PRKD1: variants seen among roughly 807,000 people sequenced by gnomAD.
PRKD1 encodes serine/threonine-protein kinase D1.
PRKD1 carries 63 observed loss-of-function variants against 95.9 expected under a neutral mutation model. The observed-to-expected ratio is 0.66, with a 90% CI of 0.54 to 0.81. PRKD1 has a LOEUF of 0.81. Ranked by LOEUF, PRKD1 falls within the 30% of genes least tolerant of loss-of-function variation. The probability of loss-of-function intolerance (pLI) is 0.00; values close to 1 mark genes in which losing one functional copy is unlikely to be tolerated. For synonymous variants in PRKD1, 425 were observed against 423.1 expected, an observed-to-expected ratio of 1.00 and a Z score of -0.05; for missense variants, 1,048 against 1,165.3, an observed-to-expected ratio of 0.90 and a Z score of 1.47.
intron 1 of PRKD1, among the ~76,000 whole-genome samples, chr14:29,785,103 A>G (rs1438147420): frequency 6.6e-6 from 1 of 152,172 alleles, no homozygotes; most frequent in Non-Finnish European, 1.5e-5. Context: ...TCCCTCACAA[A>G]TATGTACAGC....
chr14:29,919,860 G>A (rs1171473961), intron 1 of PRKD1, among the ~76,000 whole-genome samples: 1 of 152,058 alleles, frequency 6.6e-6, no homozygotes, highest in African/African-American at 2.4e-5. Context: ...CAGCTACTCG[G>A]GAGGCTGAGG....
chr14:29,648,066 C>T (rs929422846), intron 4 of PRKD1, among the ~76,000 whole-genome samples: 1 of 152,170 alleles, frequency 6.6e-6, no homozygotes, highest in African/African-American at 2.4e-5. Flanking sequence ...AACTTAGAGA[C>T]CTTACAAAAT....
At chr14:29,744,112 C>T in intron 1 of PRKD1, among the ~76,000 whole-genome samples, 1 of 152,152 alleles carries the variant, frequency 6.6e-6, no homozygotes. Flanking sequence ...AAATTTCTAA[C>T]TCTATCATTG....
chr14:29,640,203 A>G (rs1362969286), intron 4 of PRKD1, among the ~76,000 whole-genome samples: 3 of 152,182 alleles, frequency 2.0e-5, no homozygotes, highest in Non-Finnish European at 1.5e-5. Context: ...ATGCTAGTAA[A>G]TAGTGCAGCC....
At chr14:29,626,430 A>G in intron 12 of PRKD1, 54 bp downstream of exon 12, 1 of 1,421,434 alleles carries the variant, frequency 7.0e-7, no homozygotes, top group South Asian at 1.2e-5. Context: ...CGCTTTTTAA[A>G]ATATAACTAG....
chr14:29,893,292 CTTG>C (rs1011478781), intron 1 of PRKD1, among the ~76,000 whole-genome samples: 29 of 151,920 alleles, frequency 1.9e-4, no homozygotes, highest in African/African-American at 6.0e-4. Context: ...ACCAAATTTT[CTTG>C]TTGAAAATTT....
At chr14:29,787,453 T>C (rs540973923) in intron 1 of PRKD1, among the ~76,000 whole-genome samples, 1 of 152,202 alleles carries the variant, frequency 6.6e-6, no homozygotes, top group Admixed American at 6.5e-5. Flanking sequence ...GCTAGTACTG[T>C]ATTGGAGTCT....
intron 1 of PRKD1, among the ~76,000 whole-genome samples, chr14:29,773,762 A>C (rs927727287): frequency 6.6e-6 from 1 of 152,220 alleles, no homozygotes; most frequent in Non-Finnish European, 1.5e-5. Context: ...TAAATTCATA[A>C]GAGACTGCAA....
intron 1 of PRKD1, among the ~76,000 whole-genome samples, chr14:29,824,353 C>G (rs1358912560): frequency 6.6e-6 from 1 of 152,120 alleles, no homozygotes; most frequent in African/African-American, 2.4e-5. Flanking sequence ...AAGAACTATA[C>G]TTTATCATTT....
intron 1 of PRKD1, among the ~76,000 whole-genome samples, chr14:29,777,652 T>TA (rs1220358576): frequency 6.6e-6 from 1 of 152,110 alleles, no homozygotes; most frequent in Non-Finnish European, 1.5e-5. Flanking sequence ...AGCAAGTCCT[T>TA]AGAGACCTAC....
intron 15 of PRKD1, among the ~76,000 whole-genome samples, 174 bp downstream of exon 15, chr14:29,598,853 C>G (rs1162960898): frequency 6.6e-6 from 1 of 152,092 alleles, no homozygotes; most frequent in Non-Finnish European, 1.5e-5. Flanking sequence ...CATGCTTCAC[C>G]AAAAGGCCAG....
chr14:29,624,217 T>C lies in PRKD1; in HGVS notation c.1840A>G (p.Ile614Val). 6.2e-7 allele frequency: 1 copy of C among 1,606,698 alleles called. No homozygotes were observed. The highest frequency in any genetic ancestry group is 8.5e-7 in the Non-Finnish European group (1 of 1,176,208). The change falls in exon 13 of 18, where the codon ATT becomes GTT. Residue 614 changes from isoleucine (I) to valine (V), a missense_variant. Transcript: ENST00000331968. ...KTGRDVAIKI[I>V]DKLRFPTKQE... ...TTTGTTGGAAATCGTAATTTGTCAA[T>C]GATTTTAATAGCTACATCTCTTCCT...
chr14:29,750,358 C>T (rs1002739833), intron 1 of PRKD1, among the ~76,000 whole-genome samples: 25 of 152,016 alleles, frequency 1.6e-4, no homozygotes, highest in African/African-American at 4.6e-4. Context: ...AACTTAAGTT[C>T]CTACAGCATA....
chr14:29,720,862 A>G (rs962070120), intron 2 of PRKD1, among the ~76,000 whole-genome samples: 1 of 152,166 alleles, frequency 6.6e-6, no homozygotes, highest in African/African-American at 2.4e-5. Flanking sequence ...AAGGAAATCA[A>G]TGATACTACC....
chr14:29,865,519 G>T (rs536808305), intron 1 of PRKD1, among the ~76,000 whole-genome samples: 7 of 152,086 alleles, frequency 4.6e-5, no homozygotes, highest in Non-Finnish European at 7.4e-5. Context: ...CACAAGAGTG[G>T]CTTGTTATAA....
chr14:29,632,779 T>C, intron 9 of PRKD1, 90 bp downstream of exon 9: 1 of 1,195,006 alleles, frequency 8.4e-7, no homozygotes, highest in South Asian at 1.4e-5. Context: ...TAGCCACGTT[T>C]GTTGGATGTA....
chr14:29,772,259 A>C (rs1156565028), intron 1 of PRKD1, among the ~76,000 whole-genome samples: 1 of 152,202 alleles, frequency 6.6e-6, no homozygotes, highest in Non-Finnish European at 1.5e-5. Flanking sequence ...CCTAATCCCC[A>C]ATGCAACAGT....
rs777656334 is a variant in PRKD1 at position 29,638,900 on chromosome 14, T to G, written c.701A>C (p.Lys234Thr). The change falls in exon 5 of 18, where the codon AAA becomes ACA. Residue 234 changes from lysine to threonine, a missense_variant. Transcript: ENST00000331968. ...TSAPDEPLLQ[K>T]SPSESFIGRE... is the part of the protein sequence containing the mutation. ...ACCAATAAACGACTCTGATGGTGATTTTTGCTACATTTTGGAAAACAATAA... is the reference window on the plus strand; with the variant it reads ...ACCAATAAACGACTCTGATGGTGATGTTTGCTACATTTTGGAAAACAATAA... 6.2e-7 allele frequency: 1 copy of G among 1,613,842 alleles called. No individual in the cohort carries two copies. Among genetic ancestry groups the G allele is most frequent in the South Asian group, 1.1e-5 (1 of 91,066 alleles).
chr14:29,877,465 T>C (rs1012458160), intron 1 of PRKD1, among the ~76,000 whole-genome samples: 1 of 152,236 alleles, frequency 6.6e-6, no homozygotes, highest in African/African-American at 2.4e-5. Flanking sequence ...AATAGTTTAT[T>C]TTGCTGTGCA....
Sources: gnomAD v4.1 joint callset for allele counts (sites outside exome capture counted in the v4.1 genomes callset) on GRCh38, gnomAD v4.1.1 for gene constraint, MANE v1.5 for transcripts, NCBI Gene and HGNC (gene_info 2026-07-23, HGNC 2026-07-21) for gene names.